Variants in NNMT observed in about 807,000 individuals in gnomAD.
NNMT encodes nicotinamide N-methyltransferase.
NNMT carries 10 observed loss-of-function variants against 11.7 expected under a neutral mutation model. The observed-to-expected ratio is 0.85, with a 90% CI of 0.53 to 1.45. NNMT has a LOEUF of 1.45. Ranked by LOEUF, NNMT falls within the 40% of genes most tolerant of loss-of-function variation. The pLI, the probability that NNMT is intolerant of heterozygous loss-of-function variation, is 0.00. For missense variants in NNMT, 381 were observed against 319.4 expected (o/e 1.19, Z -1.47); for synonymous variants, 143 against 133.8 (o/e 1.07, Z -0.48).
In NNMT at chr11:114,278,271, C is replaced by T. The variant is rs180712388; in HGVS notation, c.-130+15337C>T. Among the ~76,000 whole-genome samples the T allele has an allele frequency of 2.1e-3, 317 of 152,172 alleles. 4 individuals are homozygous for T. The highest frequency in any genetic ancestry group is 5.6e-3 in the African/African-American group (231 of 41,532). On this transcript the variant is annotated intron_variant, in intron 2 of 4. Coordinates refer to the NNMT transcript ENST00000535401. ...GGAGGAGATGCCAGGCTTCTTTAAACGATCTGCTCTCTTGTGAAAGAGCTC... is the reference window on the plus strand; with the variant it reads ...GGAGGAGATGCCAGGCTTCTTTAAATGATCTGCTCTCTTGTGAAAGAGCTC...
chr11:114,305,068 G>A (rs1251690965), intron 2 of NNMT, among the ~76,000 whole-genome samples: 3 of 152,204 alleles, frequency 2.0e-5, no homozygotes, highest in Admixed American at 6.5e-5. Flanking sequence ...TTGACAACAC[G>A]TGGGAGCTTT....
At chr11:114,290,655 C>G (rs1332005469) in intron 2 of NNMT, among the ~76,000 whole-genome samples, 19 of 152,214 alleles carry the variant, frequency 1.2e-4, no homozygotes, top group Admixed American at 1.2e-3. Context: ...TTGGCCTTCT[C>G]AGTTAATTCT....
In NNMT at chr11:114,312,266, T is replaced by A. The variant is rs1470851130; in HGVS notation, c.584T>A (p.Ile195Asn). The change falls in exon 3 of 3, where the codon ATC becomes AAC. Residue 195 changes from isoleucine to asparagine, a missense_variant. Physicochemically the swap from Ile to Asn is moderately radical, Grantham distance 149. Transcript: ENST00000299964. ...CTGAAGCCAGGGGGCTTCCTGGTGA[T>A]CATGGATGCGCTCAAGAGCAGCTAC... is the stretch of plus-strand genomic sequence containing the variant. ...SLLKPGGFLV[I>N]MDALKSSYYM... The A allele has an allele frequency of 6.2e-7, 1 of 1,614,190 alleles. No homozygotes were observed. Among genetic ancestry groups the A allele is most frequent in the Non-Finnish European group, 8.5e-7 (1 of 1,180,018 alleles).
At chr11:114,274,667 G>A (rs1164164045) in intron 2 of NNMT, among the ~76,000 whole-genome samples, 1 of 152,206 alleles carries the variant, frequency 6.6e-6, no homozygotes, top group Non-Finnish European at 1.5e-5. Flanking sequence ...GTTCTATAAA[G>A]CCCCAAGGAG....
intron 2 of NNMT, among the ~76,000 whole-genome samples, chr11:114,310,458 A>G (rs764207223): frequency 6.6e-6 from 1 of 152,266 alleles, no homozygotes; most frequent in Non-Finnish European, 1.5e-5. Context: ...ATTCGCTAGG[A>G]TTAAGATTTT....
At chr11:114,298,624 A>C (rs1945407779) in intron 2 of NNMT, among the ~76,000 whole-genome samples, 2 of 152,222 alleles carry the variant, frequency 1.3e-5, no homozygotes, top group African/African-American at 4.8e-5. Flanking sequence ...TAATGCTGAC[A>C]TCACCAGATA....
chr11:114,301,489 T>C (rs1266125576), intron 2 of NNMT, among the ~76,000 whole-genome samples: 1 of 152,106 alleles, frequency 6.6e-6, no homozygotes, highest in Non-Finnish European at 1.5e-5. Flanking sequence ...GAAATGTAAA[T>C]ACAATTACTA....
upstream of NNMT, among the ~76,000 whole-genome samples, chr11:114,295,145 A>G (rs535001369): frequency 3.9e-5 from 6 of 152,336 alleles, no homozygotes; most frequent in African/African-American, 1.4e-4. Flanking sequence ...GAATGGGCCA[A>G]CTGGTGGTCT....
intron 2 of NNMT, among the ~76,000 whole-genome samples, chr11:114,265,304 C>T (rs574757238): frequency 6.6e-6 from 1 of 152,332 alleles, no homozygotes; most frequent in Admixed American, 6.5e-5. Context: ...CTTCCTTGAT[C>T]TCCCAACAGC....
intron 2 of NNMT, among the ~76,000 whole-genome samples, chr11:114,301,474 T>A (rs979735167): frequency 6.6e-6 from 1 of 152,144 alleles, no homozygotes; most frequent in Non-Finnish European, 1.5e-5. Context: ...CGAAAAGACA[T>A]GGAGGAAATG....
At chr11:114,301,570 C>T (rs577943274) in intron 2 of NNMT, among the ~76,000 whole-genome samples, 1 of 151,934 alleles carries the variant, frequency 6.6e-6, no homozygotes, top group Non-Finnish European at 1.5e-5. Flanking sequence ...AAATGCAAAA[C>T]TAGGGAAGAA....
chr11:114,307,821 A>G (rs1304316716), intron 2 of NNMT, among the ~76,000 whole-genome samples: 1 of 151,408 alleles, frequency 6.6e-6, no homozygotes, highest in Non-Finnish European at 1.5e-5. Flanking sequence ...ACTCCTACGT[A>G]TTTATCCTCT....
intron 2 of NNMT, among the ~76,000 whole-genome samples, chr11:114,277,362 T>C (rs1389327918): frequency 6.6e-6 from 1 of 152,238 alleles, no homozygotes; most frequent in East Asian, 1.9e-4. Context: ...TGATGTGGTA[T>C]GTAAGAGTTT....
chr11:114,309,021 A>C (rs993924220), intron 2 of NNMT, among the ~76,000 whole-genome samples: 2 of 152,198 alleles, frequency 1.3e-5, no homozygotes, highest in African/African-American at 4.8e-5. Context: ...CTTAATACGC[A>C]ATAGGGCACG....
At position 114,280,020 on chromosome 11, in the gene NNMT, G is replaced by A. The variant is rs1041960657; in HGVS notation, c.-129-16408G>A. 4.6e-5 allele frequency among the ~76,000 whole-genome samples: 7 copies of A among 152,228 alleles called. No individual in the cohort carries two copies. The South Asian group carries it at 6.2e-4, about 14-fold the overall frequency. On this transcript the variant is annotated intron_variant, in intron 2 of 4. Transcript: ENST00000535401. ...AGCCACGTGACAAAGGTGGGGTCAC[G>A]GAAGGATGCTGAGCGTGTTTGGGAA...
intron 2 of NNMT, among the ~76,000 whole-genome samples, chr11:114,301,872 T>C (rs1290947336): frequency 6.6e-6 from 1 of 151,962 alleles, no homozygotes; most frequent in Non-Finnish European, 1.5e-5. Flanking sequence ...CAGCTTTTTA[T>C]TGGGTATTCT....
chr11:114,260,766 A>G (rs1357985169), intron 1 of NNMT, among the ~76,000 whole-genome samples: 1 of 152,122 alleles, frequency 6.6e-6, no homozygotes, highest in Non-Finnish European at 1.5e-5. Flanking sequence ...CCCAGGCTCT[A>G]CTCTGATGCC....
intron 2 of NNMT, among the ~76,000 whole-genome samples, chr11:114,270,751 T>C (rs768457544): frequency 6.6e-6 from 1 of 152,126 alleles, no homozygotes; most frequent in Non-Finnish European, 1.5e-5. Flanking sequence ...GGCCCTATTC[T>C]ATGACTTCAT....
chr11:114,271,140 A>G (rs1215871105), intron 2 of NNMT, among the ~76,000 whole-genome samples: 2 of 152,348 alleles, frequency 1.3e-5, no homozygotes, highest in East Asian at 3.9e-4. Context: ...CAAGGGGTTC[A>G]ACATATGAAT....
Sources: allele counts gnomAD v4.1 joint callset (sites outside exome capture counted in the v4.1 genomes callset), GRCh38; gene constraint gnomAD v4.1.1; transcripts MANE v1.5; gene names NCBI Gene and HGNC (gene_info 2026-07-23, HGNC 2026-07-21).